The following ACBD4 variants were observed in gnomAD, a reference collection of about 807,000 sequenced individuals.
The protein encoded by ACBD4 is acyl-CoA-binding domain-containing protein 4.
Under a neutral mutation model 46.0 loss-of-function variants are expected in ACBD4, and 41 were observed. That is an observed-to-expected ratio of 0.89 (90% CI 0.69 to 1.16). The LOEUF is 1.16. Ranked by LOEUF, ACBD4 falls within the 50% of genes most tolerant of loss-of-function variation. The probability of loss-of-function intolerance (pLI) is 0.00; values close to 1 mark genes in which losing one functional copy is unlikely to be tolerated. For synonymous variants in ACBD4, 162 were observed against 155.9 expected (o/e 1.04, Z -0.29); for missense variants, 393 against 399.5 (o/e 0.98, Z 0.14).
chr17:45,132,228 G>T, upstream of ACBD4: 1 of 1,261,202 alleles, frequency 7.9e-7, no homozygotes, highest in South Asian at 3.8e-5. The surrounding 1 kb of genome is among the most constrained non-coding windows in gnomAD (Gnocchi z 4.6). Flanking sequence ...CCACCCCACC[G>T]CCCCTTGCCC....
intron 9 of ACBD4, among the ~76,000 whole-genome samples, chr17:45,139,774 G>C (rs1232165233): frequency 6.6e-6 from 1 of 152,236 alleles, no homozygotes; most frequent in African/African-American, 2.4e-5. Flanking sequence ...AGGGCACACA[G>C]CCTGGGAGAG....
intron 1 of ACBD4, 69 bp from the exon 2 acceptor site, chr17:45,136,039 A>T: frequency 8.5e-7 from 1 of 1,182,600 alleles, no homozygotes; most frequent in Admixed American, 2.2e-5. Flanking sequence ...CCCTCTGGGA[A>T]GTGAATCCTT....
upstream of ACBD4, among the ~76,000 whole-genome samples, chr17:45,133,508 G>GT (rs2054576217): frequency 6.7e-6 from 1 of 149,750 alleles, no homozygotes; most frequent in Non-Finnish European, 1.5e-5. Context: ...CCACTCTGGG[G>GT]TCCTGAATTT....
rs763904286 is a variant in ACBD4 at position 45,136,211 on chromosome 17, A to T, written c.67A>T (p.Ile23Phe). 3.1e-6 allele frequency: 5 copies of T among 1,613,518 alleles called. No homozygotes were observed. The East Asian group carries it at 8.9e-5, about 29-fold the overall frequency. Residue 23 changes from isoleucine (I) to phenylalanine (F), a missense_variant, in exon 2 of 10, where the codon ATC becomes TTC. Transcript: ENST00000321854. ...QKQFQAAVSV[I>F]QNLPKNGSYR... ...ACAGTTCCAGGCTGCAGTGAGCGTC[A>T]TCCAGAACCTGCCCAAGAACGGTGA...
At position 45,143,772 on chromosome 17, in the gene ACBD4, CAACCACCCCAGGCTCCCCTGG is replaced by C. The variant is rs2055438027; in HGVS notation, c.*202_*222del. 2 of 853,966 alleles carry C rather than the reference CAACCACCCCAGGCTCCCCTGG, an allele frequency of 2.3e-6. No individual in the cohort carries two copies. The highest frequency in any genetic ancestry group is 1.7e-5 in the African/African-American group (1 of 58,388). 52.9% of individuals were successfully genotyped at this position (853,966 alleles called of 1,614,324 possible). ...ACAGGGACGCTTCCTTCCCTCCCCGCAACCACCCCAGGCTCCCCTGGGAGGCTGCAGTTGTGGTACACGTCC... is the reference window on the plus strand; with the variant it reads ...ACAGGGACGCTTCCTTCCCTCCCCGCGAGGCTGCAGTTGTGGTACACGTCC... On this transcript the variant is annotated 3_prime_UTR_variant, in exon 10 of 10. Coordinates refer to ENST00000321854, the MANE Select transcript of ACBD4 (RefSeq NM_001135705.3).
chr17:45,138,165 A>G (rs1261308891), intron 8 of ACBD4, 177 bp downstream of exon 8: 1 of 687,364 alleles, frequency 1.5e-6, no homozygotes, highest in Non-Finnish European at 2.4e-6. Context: ...GGATGGGCAA[A>G]GTCCCCGCCC....
chr17:45,137,266 G>A (rs950828144), intron 5 of ACBD4, 102 bp from the exon 6 acceptor site: 17 of 1,596,150 alleles, frequency 1.1e-5, no homozygotes, highest in Non-Finnish European at 2.6e-6. Context: ...CCGAGAGGTG[G>A]ATCCCAGGCA....
chr17:45,134,691 G>A (rs1044473580), upstream of ACBD4, among the ~76,000 whole-genome samples: 2 of 151,988 alleles, frequency 1.3e-5, no homozygotes, highest in South Asian at 4.2e-4. Flanking sequence ...GCAGGAGAAT[G>A]GCGTGAACCC....
In ACBD4 at chr17:45,137,410, C is replaced by T. The variant is rs1163450087; in HGVS notation, c.458C>T (p.Ser153Leu). Residue 153 changes from serine (S) to leucine (L), a missense_variant, in exon 6 of 10, where the codon TCA becomes TTA. Ser to Leu is a moderately radical substitution (Grantham distance 145). Coordinates refer to ENST00000321854, the MANE Select transcript of ACBD4 (RefSeq NM_001135705.3). The part of the protein sequence containing the change: ...QVVNGDVGAV[S>L]EPPCLPKEPA... ...GTGAATGGAGATGTTGGGGCTGTTTCAGAGCCTCCCTGCCTCCCCAAGGAA... is the reference window on the plus strand; with the variant it reads ...GTGAATGGAGATGTTGGGGCTGTTTTAGAGCCTCCCTGCCTCCCCAAGGAA... 1.9e-6 allele frequency: 3 copies of T among 1,614,070 alleles called. No homozygotes were observed. Among genetic ancestry groups the T allele is most frequent in the South Asian group, 2.2e-5 (2 of 91,078 alleles).
chr17:45,139,546 C>T (rs2055131609), intron 9 of ACBD4, among the ~76,000 whole-genome samples: 1 of 152,182 alleles, frequency 6.6e-6, no homozygotes, highest in Non-Finnish European at 1.5e-5. Flanking sequence ...TCAGCCCTTG[C>T]ATCCCTCTCC....
upstream of ACBD4, chr17:45,132,398 G>T: frequency 8.2e-7 from 1 of 1,222,926 alleles, no homozygotes; most frequent in African/African-American, 1.6e-5. The surrounding 1 kb of genome is among the most constrained non-coding windows in gnomAD (Gnocchi z 4.6). Flanking sequence ...CGCCTCCAGC[G>T]GCCGCACAGC....
chr17:45,137,029 C>T lies in ACBD4; in HGVS notation c.305C>T (p.Thr102Ile). The T allele has an allele frequency of 1.2e-6, 2 of 1,614,128 alleles. No individual in the cohort carries two copies. Among genetic ancestry groups the T allele is most frequent in the Non-Finnish European group, 1.7e-6 (2 of 1,180,008 alleles). The change falls in exon 5 of 10, where the codon ACA becomes ATA. Residue 102 changes from threonine (T) to isoleucine (I), a missense_variant. Thr to Ile is a moderately conservative substitution (Grantham distance 89). Around this residue, in one of 3 missense-constraint regions of ACBD4, gnomAD observed 308 missense variants for 301.8 expected, o/e 1.02. Transcript: ENST00000321854. Reference protein sequence around the residue: ...MKLVAQKVIDTVPLGEVAEDM... With the variant: ...MKLVAQKVIDIVPLGEVAEDM... ...CCCCCTCCCCTACAGGTGATCGACA[C>T]AGTGCCCCTGGGTGAGGTGGCAGAG...
rs949600570 is a variant in ACBD4, at chr17:45,137,767, T to G, written c.510T>G (p.His170Gln). The change falls in exon 7 of 10, where the codon CAT (histidine) becomes CAG (glutamine). Residue 170 changes from histidine to glutamine, a missense_variant. By Grantham distance (24) the His-to-Gln change is conservative. Transcript: ENST00000321854. ...CTACCAACCCCTCCACAGAGTCCCA[T>G]TCACCCAGGGACCTGGACTCCGAGG... Reference protein sequence around the residue: ...KEPAPPSPESHSPRDLDSEVF... With the variant: ...KEPAPPSPESQSPRDLDSEVF... The G allele has an allele frequency of 6.2e-7, 1 of 1,613,932 alleles. No individual in the cohort carries two copies. The highest frequency in any genetic ancestry group is 8.5e-7 in the Non-Finnish European group (1 of 1,179,954).
intron 9 of ACBD4, 31 bp from the exon 10 acceptor site, chr17:45,143,412 T>C (rs776994588): frequency 1.3e-6 from 2 of 1,570,996 alleles, no homozygotes; most frequent in Non-Finnish European, 1.7e-6. Context: ...AGGCCTGGAC[T>C]GGCCTCTGAC....
At position 45,136,602 on chromosome 17, in the gene ACBD4, C is replaced by G. The variant is rs369056152; in HGVS notation, c.191C>G (p.Pro64Arg). ...GTCCCCCGGCCCGGGTTCTGGGACCCCATTGGACGATATAAGTGGTGAGCT... is the reference window on the plus strand; with the variant it reads ...GTCCCCCGGCCCGGGTTCTGGGACCGCATTGGACGATATAAGTGGTGAGCT... ...CLVPRPGFWD[P>R]IGRYKWDAWN... Residue 64 changes from proline (P) to arginine (R), a missense_variant, in exon 3 of 10, where the codon CCC becomes CGC. Pro to Arg is a moderately radical substitution (Grantham distance 103). This residue lies in a region of ACBD4 where 24 missense variants were observed against 47.4 expected (regional missense o/e 0.51). Coordinates refer to ENST00000321854, the MANE Select transcript of ACBD4 (RefSeq NM_001135705.3). 6.2e-7 allele frequency: 1 copy of G among 1,613,860 alleles called. No individual in the cohort carries two copies. Among genetic ancestry groups the G allele is most frequent in the Non-Finnish European group, 8.5e-7 (1 of 1,179,976 alleles).
chr17:45,143,588 C>A lies in ACBD4; in HGVS notation c.*17C>A. On this transcript the variant is annotated 3_prime_UTR_variant, in exon 10 of 10. Transcript: ENST00000321854. Reference sequence around the variant, plus strand: ...AAGAGGTGACTGTCAGTGGAGGGGTCTCTGCAGCCAACTGAGACTATCTTG... The same window carrying A: ...AAGAGGTGACTGTCAGTGGAGGGGTATCTGCAGCCAACTGAGACTATCTTG... 6.2e-7 allele frequency: 1 copy of A among 1,614,040 alleles called. No homozygotes were observed. Among genetic ancestry groups the A allele is most frequent in the Non-Finnish European group, 8.5e-7 (1 of 1,180,010 alleles).
rs1338972196 is a variant in ACBD4, at chr17:45,137,933, A to C, written c.594A>C (p.Ala198=). ...AGCAGGTTTGGACAGAGCAGCGGGCAGCATCTGGAGGAAAGCGTGATCCCA... is the reference window on the plus strand; with the variant it reads ...AGCAGGTTTGGACAGAGCAGCGGGCCGCATCTGGAGGAAAGCGTGATCCCA... The part of the protein sequence containing the change: ...EPELVWTEQR[A]ASGGKRDPRN... Residue 198 remains alanine, a synonymous_variant, in exon 8 of 10, where the codon GCA becomes GCC. Coordinates refer to ENST00000321854, the MANE Select transcript of ACBD4 (RefSeq NM_001135705.3). 6.2e-7 allele frequency: 1 copy of C among 1,610,732 alleles called. No homozygotes were observed. Among genetic ancestry groups the C allele is most frequent in the South Asian group, 1.1e-5 (1 of 90,940 alleles).
At chr17:45,139,600 C>T (rs899826830) in intron 9 of ACBD4, among the ~76,000 whole-genome samples, 2 of 152,216 alleles carry the variant, frequency 1.3e-5, no homozygotes, top group African/African-American at 4.8e-5. Context: ...GGATCCTGGG[C>T]TCCTGCAAAC....
chr17:45,142,389 C>CAAAAAAAAAAAAAA (rs1161132274), intron 9 of ACBD4, among the ~76,000 whole-genome samples: 20 of 28,580 alleles, frequency 7.0e-4, no homozygotes, highest in East Asian at 1.1e-3. Flanking sequence ...CAAGACTCCT[C>CAAAAAAAAAAAAAA]AAAAAAAAAA....
Sources: gnomAD v4.1 joint callset for allele counts (sites outside exome capture counted in the v4.1 genomes callset) on GRCh38, gnomAD v4.1.1 for gene constraint, gnomAD v4.1.1 regional missense constraint, Gnocchi (gnomAD v3.1) non-coding constraint, MANE v1.5 for transcripts, NCBI Gene and HGNC (gene_info 2026-07-23, HGNC 2026-07-21) for gene names.